Variants in ZNF800 observed in about 807,000 individuals in gnomAD.
The protein encoded by ZNF800 is zinc finger protein 800.
Under a neutral mutation model 59.5 loss-of-function variants are expected in ZNF800, and 13 were observed. The observed-to-expected ratio is 0.22, with a 90% confidence interval of 0.14 to 0.35. ZNF800 has a LOEUF of 0.35. Ranked by LOEUF, ZNF800 falls within the 10% of genes least tolerant of loss-of-function variation. The pLI is 1.00. For synonymous variants in ZNF800, 266 were observed against 265.7 expected (o/e 1.00, Z -0.01); for missense variants, 621 against 783.7 (o/e 0.79, Z 2.48).
intron 1 of ZNF800, chr7:127,348,057 G>C (rs1208166779): frequency 6.6e-6 from 1 of 151,446 alleles, no homozygotes; most frequent in African/African-American, 2.4e-5. Context: ...CGGCCCGCAC[G>C]GGTGGCAGCG....
rs1260822828 is a variant in ZNF800 at position 127,392,113 on chromosome 7, C to A, written c.-112G>T. 7.6e-6 allele frequency: 3 copies of A among 393,190 alleles called. No individual in the cohort carries two copies. The highest frequency in any genetic ancestry group is 7.2e-5 in the East Asian group (2 of 27,708). The allele number at this position is 393,190 out of a possible 1,614,324, so 24.4% of individuals were successfully genotyped here. A position where few individuals can be genotyped will look rare whatever the true frequency, so the allele number is the denominator to read the frequency against. ...GCGGAAGGAAGGAAGGCAGGCCGGG[C>A]GGCCGCGGGGACAGCCTGGCGTGGG... On this transcript the variant is annotated 5_prime_UTR_variant, in exon 1 of 6. Transcript: ENST00000265827.
At chr7:127,365,510 T>A (rs951808), downstream of ZNF800, among the ~76,000 whole-genome samples, 138,222 of 152,114 alleles carry the variant, frequency 0.91, 62,911 homozygotes, top group East Asian at 1. Context: ...TTGCTTGTAA[T>A]CTCAAAATAC....
At position 127,386,150 on chromosome 7, in the gene ZNF800, T is replaced by C. The variant is rs750078838; in HGVS notation, c.67A>G (p.Ile23Val). Residue 23 changes from isoleucine to valine, a missense_variant, in exon 3 of 6, where the codon ATC becomes GTC. By Grantham distance (29) the Ile-to-Val change is conservative. Around this residue, in one of 7 missense-constraint regions of ZNF800, gnomAD observed 57 missense variants for 77.1 expected, o/e 0.74. Coordinates refer to ENST00000265827, the MANE Select transcript of ZNF800 (RefSeq NM_176814.5). ...AAAGGAGGATCTCCAGGTTCCAGGA[T>C]ATAAACTACATGGAAGACAAACACC... ...HHHGCCEPVY[I>V]LEPGDPPLLQ... 3 of 1,607,354 alleles carry C rather than the reference T, an allele frequency of 1.9e-6. No homozygotes were observed. Among genetic ancestry groups the C allele is most frequent in the Admixed American group, 3.3e-5 (2 of 59,808 alleles).
At position 127,381,680 on chromosome 7, in the gene ZNF800, A is replaced by G. The variant is rs1236269628; in HGVS notation, c.158-4351T>C. On this transcript the variant is annotated intron_variant, in intron 3 of 5. Coordinates refer to ENST00000265827, the MANE Select transcript of ZNF800 (RefSeq NM_176814.5). Reference sequence around the variant, plus strand: ...GCTGTTGTCTTGGGAACGTAACACCAGATGACATGCTTTGAATATGAATGT... The same window carrying G: ...GCTGTTGTCTTGGGAACGTAACACCGGATGACATGCTTTGAATATGAATGT... 2.0e-5 allele frequency among the ~76,000 whole-genome samples: 3 copies of G among 152,294 alleles called. No individual in the cohort carries two copies. In the East Asian group the frequency reaches 5.8e-4, roughly 29 times the overall value.
chr7:127,374,537 G>A lies in ZNF800; in HGVS notation c.799C>T (p.Arg267Ter). Residue 267 changes from arginine to a stop codon, truncating the protein, a stop_gained, in exon 5 of 6, where the codon CGA becomes TGA. Coordinates refer to ENST00000265827, the MANE Select transcript of ZNF800 (RefSeq NM_176814.5). LOFTEE classifies it high-confidence loss of function. Reference sequence around the variant, plus strand: ...TTAGAGGATTGGTTTGGATTCTTTCGTGTTTCAATGTACTTTTTTAGTTCT... The same window carrying A: ...TTAGAGGATTGGTTTGGATTCTTTCATGTTTCAATGTACTTTTTTAGTTCT... ...MEELKKYIET[R>*]KNPNQSSKGR... 2 of 1,614,076 alleles carry A rather than the reference G, an allele frequency of 1.2e-6. No individual in the cohort carries two copies. Among genetic ancestry groups the A allele is most frequent in the Non-Finnish European group, 1.7e-6 (2 of 1,179,964 alleles).
chr7:127,352,289 C>T (rs899214429), intron 1 of ZNF800, among the ~76,000 whole-genome samples: 14 of 152,064 alleles, frequency 9.2e-5, no homozygotes, highest in African/African-American at 3.4e-4. Context: ...TTACTGTATA[C>T]CAGGAATTGG....
At chr7:127,369,357 T>C (rs1800580162), downstream of ZNF800, among the ~76,000 whole-genome samples, 1 of 152,116 alleles carries the variant, frequency 6.6e-6, no homozygotes, top group South Asian at 2.1e-4. Context: ...ACTATAACAA[T>C]ACAAAATCAC....
In ZNF800 at chr7:127,371,816, T is replaced by C. The variant is rs1800638876; in HGVS notation, c.*-2A>G. ...TTTTCGTACATCACTTGAAGTTATC[T>C]GAGGAGAAATGGGAATAAATGAACA... On this transcript the variant is annotated splice_acceptor_variant, in intron 5 of 5. Coordinates refer to ENST00000265827, the MANE Select transcript of ZNF800 (RefSeq NM_176814.5). LOFTEE classifies it high-confidence loss of function. The C allele has an allele frequency of 6.5e-6, 5 of 767,698 alleles. No individual in the cohort carries two copies. The highest frequency in any genetic ancestry group is 2.3e-4 in the Middle Eastern group (1 of 4,396). The allele number at this position is 767,698 out of a possible 1,614,324, so 47.6% of individuals were successfully genotyped here.
rs754742474 is a variant in ZNF800 at position 127,374,893 on chromosome 7, G to A, written c.443C>T (p.Ser148Leu). 1.7e-5 allele frequency: 28 copies of A among 1,613,744 alleles called. No individual in the cohort carries two copies. The highest frequency in any genetic ancestry group is 2.2e-5 in the South Asian group (2 of 91,062). The change falls in exon 5 of 6, where the codon TCG becomes TTG. Residue 148 changes from serine to leucine, a missense_variant. Around this residue, in one of 7 missense-constraint regions of ZNF800, gnomAD observed 218 missense variants for 230.8 expected, o/e 0.94. Transcript: ENST00000265827. ...TNQNAVFQYI[S>L]RTDNPIEVTE... ...GACTTCAATAGGATTATCAGTCCTC[G>A]AAATATATTGAAATACTGCATTTTG...
intron 2 of ZNF800, among the ~76,000 whole-genome samples, chr7:127,388,099 G>A (rs1360698030): frequency 6.6e-6 from 1 of 151,750 alleles, no homozygotes; most frequent in Non-Finnish European, 1.5e-5. Flanking sequence ...TCTTTTCTCA[G>A]GTCTAAAATG....
At chr7:127,372,542 C>T (rs539181572) in intron 5 of ZNF800, 59 of 857,038 alleles carry the variant, frequency 6.9e-5, no homozygotes, top group Admixed American at 1.9e-4. Flanking sequence ...ACTTTTCTTA[C>T]GACACACAAC....
At chr7:127,345,492 G>A (rs1299098701), downstream of ZNF800, among the ~76,000 whole-genome samples, 1 of 152,154 alleles carries the variant, frequency 6.6e-6, no homozygotes, top group Non-Finnish European at 1.5e-5. Context: ...TAAAGGATAC[G>A]GTTGTGGTGG....
At chr7:127,346,000 T>C (rs1800057179), downstream of ZNF800, among the ~76,000 whole-genome samples, 1 of 151,870 alleles carries the variant, frequency 6.6e-6, no homozygotes, top group Non-Finnish European at 1.5e-5. Context: ...GGAGGCAGGA[T>C]TGATGATGCA....
intron 1 of ZNF800, chr7:127,363,551 G>C (rs998176893): frequency 6.6e-6 from 1 of 151,858 alleles, no homozygotes; most frequent in Non-Finnish European, 1.5e-5. Flanking sequence ...GTATAGCCTA[G>C]AGAAGAGATA....
At chr7:127,384,398 C>T (rs1012249106) in intron 3 of ZNF800, among the ~76,000 whole-genome samples, 5 of 151,518 alleles carry the variant, frequency 3.3e-5, no homozygotes, top group African/African-American at 4.8e-5. Flanking sequence ...CGCCCCCCAG[C>T]TAATTTTTTG....
intron 1 of ZNF800, among the ~76,000 whole-genome samples, chr7:127,354,919 T>G (rs1800239920): frequency 6.6e-6 from 1 of 152,124 alleles, no homozygotes; most frequent in African/African-American, 2.4e-5. Context: ...AGCCTTAATT[T>G]GCAATGACTT....
chr7:127,375,402 C>T (rs1029077251), intron 4 of ZNF800, among the ~76,000 whole-genome samples: 1 of 152,010 alleles, frequency 6.6e-6, no homozygotes, highest in Non-Finnish European at 1.5e-5. Flanking sequence ...ATTCTCGTAA[C>T]TCAATTGATA....
intron 1 of ZNF800, among the ~76,000 whole-genome samples, chr7:127,356,505 T>A (rs1427330624): frequency 1.3e-5 from 2 of 151,982 alleles, no homozygotes; most frequent in Non-Finnish European, 2.9e-5. Context: ...AATACACATA[T>A]CTTCATCAAT....
chr7:127,386,151 A>G lies in ZNF800; in HGVS notation c.66T>C (p.Tyr22=). 6.2e-7 allele frequency: 1 copy of G among 1,606,152 alleles called. No individual in the cohort carries two copies. Among genetic ancestry groups the G allele is most frequent in the Non-Finnish European group, 8.5e-7 (1 of 1,173,664 alleles). The stretch of plus-strand genomic sequence containing the variant: ...AAGGAGGATCTCCAGGTTCCAGGAT[A>G]TAAACTACATGGAAGACAAACACCC... ...HHHHGCCEPV[Y]ILEPGDPPLL... The change falls in exon 3 of 6, where the codon TAT becomes TAC. Residue 22 remains tyrosine (Y), a synonymous_variant. Coordinates refer to ENST00000265827, the MANE Select transcript of ZNF800 (RefSeq NM_176814.5).
Sources: allele counts gnomAD v4.1 joint callset (sites outside exome capture counted in the v4.1 genomes callset), GRCh38; gene constraint gnomAD v4.1.1; regional missense constraint gnomAD v4.1.1; transcripts MANE v1.5; gene names NCBI Gene and HGNC (gene_info 2026-07-23, HGNC 2026-07-21).